Variants in ULK4 observed in about 807,000 individuals in gnomAD.
ULK4 encodes inactive serine/threonine-protein kinase ULK4.
A neutral mutation model predicts 160.6 loss-of-function variants in ULK4; 133 were observed. That is an observed-to-expected ratio of 0.83 (90% CI 0.72 to 0.96). ULK4 has a LOEUF of 0.96. Among genes scored for constraint, ULK4 ranks in the 40% least tolerant of loss-of-function variants. The pLI, the probability that ULK4 is intolerant of heterozygous loss-of-function variation, is 0.00. For missense variants in ULK4, 1,580 were observed against 1,499.5 expected (o/e 1.05, Z -0.89); for synonymous variants, 534 against 539.8 (o/e 0.99, Z 0.15).
chr3:41,745,727 T>C (rs1475961535), intron 22 of ULK4, among the ~76,000 whole-genome samples: 1 of 151,496 alleles, frequency 6.6e-6, no homozygotes, highest in African/African-American at 2.4e-5. Flanking sequence ...ACCCAGTATC[T>C]CTCATGAACT....
chr3:41,604,769 C>G (rs1575475425), intron 31 of ULK4, among the ~76,000 whole-genome samples: 2 of 152,110 alleles, frequency 1.3e-5, no homozygotes, highest in East Asian at 1.9e-4. Flanking sequence ...CTGTCTTATA[C>G]AGTAAATATG....
chr3:41,736,186 T>C (rs992705518), intron 22 of ULK4, among the ~76,000 whole-genome samples: 1 of 151,838 alleles, frequency 6.6e-6, no homozygotes, highest in African/African-American at 2.4e-5. Context: ...GCATGATTTA[T>C]AATCCTTTGG....
chr3:41,653,123 T>G (rs1198140908), intron 30 of ULK4, among the ~76,000 whole-genome samples: 1 of 152,154 alleles, frequency 6.6e-6, no homozygotes, highest in Non-Finnish European at 1.5e-5. Context: ...GGCATATCTT[T>G]CCAATGCAAA....
chr3:41,314,057 T>A (rs1223036305), intron 35 of ULK4, among the ~76,000 whole-genome samples: 1 of 152,154 alleles, frequency 6.6e-6, no homozygotes, highest in East Asian at 1.9e-4. Context: ...TTCAGATGAT[T>A]CCAACCCCCC....
intron 32 of ULK4, among the ~76,000 whole-genome samples, chr3:41,495,043 C>G (rs1259555495): frequency 6.6e-6 from 1 of 152,072 alleles, no homozygotes; most frequent in Admixed American, 6.5e-5. Context: ...CCCCATCAAG[C>G]TACCAACGAC....
At chr3:41,785,976 A>G (rs552932211) in intron 21 of ULK4, among the ~76,000 whole-genome samples, 1 of 152,160 alleles carries the variant, frequency 6.6e-6, no homozygotes, top group South Asian at 2.1e-4. Flanking sequence ...CTAGATCTTC[A>G]CATTCCAAGC....
chr3:41,304,008 C>T (rs1000367655), intron 35 of ULK4, among the ~76,000 whole-genome samples: 1 of 152,080 alleles, frequency 6.6e-6, no homozygotes, highest in African/African-American at 2.4e-5. Context: ...TGATGGCTCA[C>T]GCCTGTAATC....
At chr3:41,621,191 A>G (rs746027752) in intron 30 of ULK4, among the ~76,000 whole-genome samples, 1 of 152,230 alleles carries the variant, frequency 6.6e-6, no homozygotes, top group Non-Finnish European at 1.5e-5. Flanking sequence ...CATACTGCCC[A>G]AAGTAACTTA....
intron 35 of ULK4, among the ~76,000 whole-genome samples, chr3:41,392,601 C>T (rs544362929): frequency 6.6e-6 from 1 of 152,098 alleles, no homozygotes; most frequent in Non-Finnish European, 1.5e-5. Context: ...TCTGAATCCA[C>T]CCAGGCTCGC....
chr3:41,792,730 T>C (rs2040186639), intron 20 of ULK4, among the ~76,000 whole-genome samples: 1 of 152,244 alleles, frequency 6.6e-6, no homozygotes, highest in Non-Finnish European at 1.5e-5. Flanking sequence ...AATTCACTTC[T>C]AAATATCAAA....
intron 22 of ULK4, among the ~76,000 whole-genome samples, chr3:41,739,200 T>G (rs1470664229): frequency 6.6e-6 from 1 of 151,958 alleles, no homozygotes; most frequent in Non-Finnish European, 1.5e-5. Flanking sequence ...TATAAGAGAC[T>G]GAGTTTCAAC....
At chr3:41,589,198 G>C (rs2031064370) in intron 31 of ULK4, among the ~76,000 whole-genome samples, 1 of 152,000 alleles carries the variant, frequency 6.6e-6, no homozygotes, top group Non-Finnish European at 1.5e-5. Context: ...CCACTGACCA[G>C]GTGTTCTACT....
chr3:41,930,048 G>GA (rs1699535968), intron 5 of ULK4, among the ~76,000 whole-genome samples: 1 of 152,072 alleles, frequency 6.6e-6, no homozygotes, highest in Non-Finnish European at 1.5e-5. Context: ...TAAGCAAAAA[G>GA]AACAAAGCTG....
intron 34 of ULK4, among the ~76,000 whole-genome samples, chr3:41,451,296 A>C (rs1184400497): frequency 6.6e-6 from 1 of 152,016 alleles, no homozygotes. Context: ...TCTATAAAGA[A>C]GGTTCCAAGA....
intron 35 of ULK4, among the ~76,000 whole-genome samples, chr3:41,376,746 C>A (rs550447593): frequency 6.7e-6 from 1 of 150,144 alleles, no homozygotes; most frequent in Non-Finnish European, 1.5e-5. Context: ...AATGGAAGAA[C>A]ACTCCATGTT....
At chr3:41,315,492 A>T (rs2080128190) in intron 35 of ULK4, among the ~76,000 whole-genome samples, 1 of 152,256 alleles carries the variant, frequency 6.6e-6, no homozygotes, top group South Asian at 2.1e-4. Flanking sequence ...TCTAAAAAAC[A>T]ACTGTTCAAT....
chr3:41,726,309 C>T (rs1427100307), intron 22 of ULK4, among the ~76,000 whole-genome samples: 4 of 152,190 alleles, frequency 2.6e-5, no homozygotes, highest in Non-Finnish European at 4.4e-5. Flanking sequence ...TAGAATGATG[C>T]TCCATTTCTT....
chr3:41,496,141 C>G (rs1319248824), intron 32 of ULK4, among the ~76,000 whole-genome samples: 1 of 151,802 alleles, frequency 6.6e-6, no homozygotes, highest in Non-Finnish European at 1.5e-5. Flanking sequence ...AAAATACTGA[C>G]AAACCAACAA....
chr3:41,645,110 G>T (rs1189920182), intron 30 of ULK4, among the ~76,000 whole-genome samples: 1 of 151,864 alleles, frequency 6.6e-6, no homozygotes, highest in Non-Finnish European at 1.5e-5. Context: ...CTTGCCAGGG[G>T]TCTATCAATT....
Sources: allele counts gnomAD v4.1 joint callset (sites outside exome capture counted in the v4.1 genomes callset), GRCh38; gene constraint gnomAD v4.1.1; transcripts MANE v1.5; gene names NCBI Gene and HGNC (gene_info 2026-07-23, HGNC 2026-07-21).